MECOM: variants seen among roughly 807,000 people sequenced by gnomAD.
MECOM encodes the protein histone-lysine N-methyltransferase MECOM.
Under a neutral mutation model 116.3 loss-of-function variants are expected in MECOM, and 13 were observed. The ratio of observed to expected loss-of-function variants is 0.11; its 90% CI spans 0.07 to 0.18. The LOEUF (loss-of-function observed/expected upper bound fraction) is 0.18, where lower values mean the gene tolerates loss of function less well. MECOM is among the 10% of genes least tolerant of loss of function. The probability of loss-of-function intolerance (pLI) is 1.00; values close to 1 mark genes in which losing one functional copy is unlikely to be tolerated. For synonymous variants in MECOM, 528 were observed against 535.2 expected (o/e 0.99, Z 0.19); for missense variants, 1,299 against 1,509.0 (o/e 0.86, Z 2.31).
chr3:169,108,333 A>T (rs1015512079), intron 9 of MECOM, among the ~76,000 whole-genome samples: 1 of 152,216 alleles, frequency 6.6e-6, no homozygotes, highest in African/African-American at 2.4e-5. Flanking sequence ...TTGCATTTGT[A>T]TAATGTTAAT....
At position 169,088,997 on chromosome 3, in the gene MECOM, T is replaced by C. The variant is rs765591199; in HGVS notation, c.3585+3A>G. The C allele has an allele frequency of 4.1e-5, 65 of 1,581,330 alleles. No homozygotes were observed. The highest frequency in any genetic ancestry group is 5.5e-5 in the Non-Finnish European group (64 of 1,166,714). ...TGATGCTGTACTATGGGAAAATCTG[T>C]ACCTGCGATTTGGACTTTCTGTGTA... is the stretch of plus-strand genomic sequence containing the variant. On this transcript the variant is annotated splice_donor_region_variant and intron_variant, in intron 16 of 16. Transcript: ENST00000651503.
chr3:169,497,472 A>T (rs567360472), intron 1 of MECOM, among the ~76,000 whole-genome samples: 2 of 151,874 alleles, frequency 1.3e-5, no homozygotes, highest in Non-Finnish European at 2.9e-5. Flanking sequence ...CAGCCTCCCA[A>T]GTAGCTGGAA....
chr3:169,428,533 G>A (rs1107970), intron 1 of MECOM, among the ~76,000 whole-genome samples: 17,580 of 152,190 alleles, frequency 0.12, 1,296 homozygotes, highest in East Asian at 0.3. Flanking sequence ...ATAACAGGCC[G>A]TGGACCGGTA....
intron 2 of MECOM, among the ~76,000 whole-genome samples, chr3:169,144,160 CAT>C (rs1738994742): frequency 6.6e-6 from 1 of 152,056 alleles, no homozygotes; most frequent in Admixed American, 6.6e-5. Context: ...CGTATATTAA[CAT>C]AATATTTCTA....
At chr3:169,573,488 T>C (rs532445255) in intron 1 of MECOM, among the ~76,000 whole-genome samples, 1 of 152,302 alleles carries the variant, frequency 6.6e-6, no homozygotes, top group South Asian at 2.1e-4. Context: ...CGAAGCAGCA[T>C]ACCGTCAGCC....
At chr3:169,120,849 A>G (rs552884250) in intron 7 of MECOM, 6 of 429,576 alleles carry the variant, frequency 1.4e-5, no homozygotes, top group Non-Finnish European at 2.3e-5. Flanking sequence ...TTTCTTCTGA[A>G]AGAAAACACC....
At chr3:169,518,004 A>G (rs1344070096) in intron 1 of MECOM, among the ~76,000 whole-genome samples, 1 of 152,252 alleles carries the variant, frequency 6.6e-6, no homozygotes, top group Non-Finnish European at 1.5e-5. Flanking sequence ...TCACGCCTGT[A>G]ATCCCAGCAC....
At chr3:169,206,532 G>T (rs1749936171) in intron 2 of MECOM, among the ~76,000 whole-genome samples, 3 of 151,938 alleles carry the variant, frequency 2.0e-5, no homozygotes, top group Non-Finnish European at 4.4e-5. Context: ...CGGGCAGATT[G>T]CCTGAAGTCA....
intron 2 of MECOM, among the ~76,000 whole-genome samples, chr3:169,259,200 T>C (rs960430818): frequency 3.3e-5 from 5 of 152,194 alleles, no homozygotes; most frequent in African/African-American, 1.2e-4. Context: ...CAATTTTTTT[T>C]TTTAAGTGTG....
At chr3:169,263,118 TA>T (rs1560061055) in intron 2 of MECOM, among the ~76,000 whole-genome samples, 13 of 96,124 alleles carry the variant, frequency 1.4e-4, no homozygotes, top group Non-Finnish European at 1.8e-4. Flanking sequence ...TATATATATA[TA>T]TATATATATG....
chr3:169,400,638 C>A (rs1735729293), intron 1 of MECOM, among the ~76,000 whole-genome samples: 1 of 152,176 alleles, frequency 6.6e-6, no homozygotes, highest in African/African-American at 2.4e-5. Context: ...TTCCTGCATT[C>A]TCAGACAGGT....
In MECOM at chr3:169,090,018, C is replaced by A; in HGVS notation, c.3383G>T (p.Cys1128Phe). ...TACTCACCTCACTGGGGATGTCTTG[C>A]AACTCATCTCCAGGGCACTGGTTTC... ...YEETSALEMS[C>F]KTSPVRYKEE... Residue 1128 changes from cysteine (C) to phenylalanine (F), a missense_variant, in exon 15 of 17, where the codon TGC becomes TTC. Physicochemically the swap from Cys to Phe is radical, Grantham distance 205 (BLOSUM62 -2). Coordinates refer to ENST00000651503, the MANE Select transcript of MECOM (RefSeq NM_004991.4). The A allele has an allele frequency of 6.2e-7, 1 of 1,613,260 alleles. No homozygotes were observed. Among genetic ancestry groups the A allele is most frequent in the East Asian group, 2.2e-5 (1 of 44,864 alleles).
intron 1 of MECOM, among the ~76,000 whole-genome samples, chr3:169,564,592 C>G (rs1446241833): frequency 6.6e-6 from 1 of 152,042 alleles, no homozygotes; most frequent in Non-Finnish European, 1.5e-5. Context: ...TTCAAGTGCC[C>G]CCCCAAAAAA....
intron 2 of MECOM, among the ~76,000 whole-genome samples, chr3:169,262,097 GA>G (rs1285657948): frequency 6.6e-6 from 1 of 152,180 alleles, no homozygotes; most frequent in Non-Finnish European, 1.5e-5. Flanking sequence ...CACGAGCCAA[GA>G]AAAATTAGCT....
chr3:169,370,696 A>G (rs1264983440), intron 2 of MECOM, among the ~76,000 whole-genome samples: 1 of 151,976 alleles, frequency 6.6e-6, no homozygotes, highest in East Asian at 1.9e-4. Context: ...CATTAATAAT[A>G]AAATAACTCA....
At chr3:169,463,599 G>A (rs1017804358) in intron 1 of MECOM, among the ~76,000 whole-genome samples, 2 of 152,120 alleles carry the variant, frequency 1.3e-5, no homozygotes, top group Admixed American at 6.6e-5. Flanking sequence ...AAACTCTAAG[G>A]TCATCCTCAA....
chr3:169,499,982 A>C (rs1754337662), intron 1 of MECOM, among the ~76,000 whole-genome samples: 1 of 152,156 alleles, frequency 6.6e-6, no homozygotes, highest in Non-Finnish European at 1.5e-5. Flanking sequence ...CATCCTGTTA[A>C]AACTACAGAT....
At chr3:169,327,928 T>C (rs549504450) in intron 2 of MECOM, among the ~76,000 whole-genome samples, 1 of 152,326 alleles carries the variant, frequency 6.6e-6, no homozygotes, top group African/African-American at 2.4e-5. Flanking sequence ...TGTCCTATTT[T>C]AATTATATCA....
chr3:169,648,463 G>A (rs1175606124), intron 1 of MECOM, among the ~76,000 whole-genome samples: 6 of 152,292 alleles, frequency 3.9e-5, no homozygotes, highest in African/African-American at 1.2e-4. Context: ...TCAAACCACG[G>A]TCTCTGCTGG....
Sources: allele counts gnomAD v4.1 joint callset (sites outside exome capture counted in the v4.1 genomes callset), GRCh38; gene constraint gnomAD v4.1.1; transcripts MANE v1.5; gene names NCBI Gene and HGNC (gene_info 2026-07-23, HGNC 2026-07-21).